Variants in BAG1 observed in about 807,000 individuals in gnomAD.
BAG1 encodes the protein BAG family molecular chaperone regulator 1.
BAG1 carries 35 observed loss-of-function variants against 35.5 expected under a neutral mutation model. That is an observed-to-expected ratio of 0.99 (90% CI 0.75 to 1.31). The LOEUF (loss-of-function observed/expected upper bound fraction) is 1.31, where lower values mean the gene tolerates loss of function less well. Ranked by LOEUF, BAG1 falls within the 50% of genes most tolerant of loss-of-function variation. The pLI is 0.00. For synonymous variants in BAG1, 191 were observed against 178.9 expected, an observed-to-expected ratio of 1.07 and a Z score of -0.54; for missense variants, 464 against 453.6, an observed-to-expected ratio of 1.02 and a Z score of -0.21.
chr9:33,254,137 CAAGCT>C lies in BAG1; in HGVS notation c.*1077_*1081del, dbSNP rs947139961. The stretch of plus-strand genomic sequence containing the variant: ...GGATTATAGGCACATGCCACTACGC[CAAGCT>C]AATTTTTTTTTTTTTTTTTTTTAAA... On this transcript the variant is annotated 3_prime_UTR_variant, in exon 7 of 7. Transcript: ENST00000634734. 1.4e-5 allele frequency: 2 copies of C among 142,770 alleles called. No homozygotes were observed. Among genetic ancestry groups the C allele is most frequent in the Admixed American group, 1.4e-4 (2 of 14,336 alleles). 8.8% of individuals were successfully genotyped at this position (142,770 alleles called of 1,614,324 possible).
chr9:33,255,341 T>A, intron 6 of BAG1, 33 bp from the exon 7 acceptor site: 1 of 1,613,800 alleles, frequency 6.2e-7, no homozygotes, highest in Non-Finnish European at 8.5e-7. Flanking sequence ...TAAGGGCCCA[T>A]CCAGGGGTAG....
At chr9:33,263,764 A>G (rs1189345096) in intron 1 of BAG1, among the ~76,000 whole-genome samples, 1 of 116,202 alleles carries the variant, frequency 8.6e-6, no homozygotes, top group East Asian at 2.8e-4. Flanking sequence ...AGGCAGACCC[A>G]AAGGGTGCCC....
chr9:33,256,808 T>A lies in BAG1; in HGVS notation c.878A>T (p.Asp293Val). Residue 293 changes from aspartate to valine, a missense_variant, in exon 5 of 7, where the codon GAC (aspartate) becomes GTC (valine). Asp to Val is a radical substitution (Grantham distance 152). Coordinates refer to ENST00000634734, the MANE Select transcript of BAG1 (RefSeq NM_004323.6). Reference sequence around the variant, plus strand: ...AGCTGAATATTTACTTACCAGTGTGTCAATCTCCTCCAAGATCTTCATAAA... The same window carrying A: ...AGCTGAATATTTACTTACCAGTGTGACAATCTCCTCCAAGATCTTCATAAA... 2 of 1,613,014 alleles carry A rather than the reference T, an allele frequency of 1.2e-6. No individual in the cohort carries two copies. Among genetic ancestry groups the A allele is most frequent in the Non-Finnish European group, 1.7e-6 (2 of 1,179,024 alleles).
chr9:33,254,957 A>T lies in BAG1; in HGVS notation c.*262T>A. 1 of 1,362,696 alleles carries T rather than the reference A, an allele frequency of 7.3e-7. No individual in the cohort carries two copies. The highest frequency in any genetic ancestry group is 1.4e-5 in the South Asian group (1 of 73,792). The allele number at this position is 1,362,696 out of a possible 1,614,324, so 84.4% of individuals were successfully genotyped here. A position where few individuals can be genotyped will look rare whatever the true frequency, so the allele number is the denominator to read the frequency against. On this transcript the variant is annotated 3_prime_UTR_variant, in exon 7 of 7. Transcript: ENST00000634734. ...ACCCAGAGGTCCAAACAGCTGGGAAAATTTGGGCAGAGGTGGCCCTCTCCA... is the reference window on the plus strand; with the variant it reads ...ACCCAGAGGTCCAAACAGCTGGGAATATTTGGGCAGAGGTGGCCCTCTCCA...
intron 2 of BAG1, 116 bp from the exon 3 acceptor site, chr9:33,261,285 T>C: frequency 1.5e-6 from 1 of 676,794 alleles, no homozygotes; most frequent in Non-Finnish European, 2.4e-6. Flanking sequence ...GGTATCTTTT[T>C]AGAGGGTGTC....
chr9:33,258,832 T>C, intron 4 of BAG1, 88 bp downstream of exon 4: 1 of 1,074,504 alleles, frequency 9.3e-7, no homozygotes, highest in South Asian at 1.4e-5. Context: ...CCAGGGAGTC[T>C]GACTGCAGAA....
chr9:33,262,515 G>A (rs1195484700), intron 2 of BAG1, among the ~76,000 whole-genome samples, 187 bp downstream of exon 2: 1 of 152,026 alleles, frequency 6.6e-6, no homozygotes, highest in Non-Finnish European at 1.5e-5. Flanking sequence ...AAATTAGCCG[G>A]GCATGGTGGT....
intron 5 of BAG1, among the ~76,000 whole-genome samples, 159 bp from the exon 6 acceptor site, chr9:33,256,086 T>G (rs1820447005): frequency 6.6e-6 from 1 of 152,218 alleles, no homozygotes; most frequent in East Asian, 1.9e-4. Flanking sequence ...TCAGGAACCC[T>G]TTCCCTGGGT....
At chr9:33,261,032 A>C in intron 3 of BAG1, 55 bp downstream of exon 3, 1 of 1,471,200 alleles carries the variant, frequency 6.8e-7, no homozygotes, top group Non-Finnish European at 9.4e-7. Flanking sequence ...AGAAACATGT[A>C]TAAAAGACTT....
At chr9:33,262,012 C>T in intron 2 of BAG1, 1 of 1,193,178 alleles carries the variant, frequency 8.4e-7, no homozygotes, top group South Asian at 1.5e-5. Flanking sequence ...TGTTAAGCAA[C>T]TAAGAAAATG....
Position 33,257,020 on chromosome 9 carries a change from G to C in BAG1, c.778-112C>G. On this transcript the variant is annotated intron_variant, in intron 4 of 6. Coordinates refer to ENST00000634734, the MANE Select transcript of BAG1 (RefSeq NM_004323.6). ...AGCCCACCATAGCCCTGGCAGGCCAGGCCACATCTCAGATCCACAACTTTA... is the reference window on the plus strand; with the variant it reads ...AGCCCACCATAGCCCTGGCAGGCCACGCCACATCTCAGATCCACAACTTTA... The C allele has an allele frequency of 7.9e-6, 6 of 757,028 alleles. No individual in the cohort carries two copies. In the South Asian group the frequency reaches 9.8e-5, roughly 12 times the overall value. 46.9% of individuals were successfully genotyped at this position (757,028 alleles called of 1,614,324 possible). A position where few individuals can be genotyped will look rare whatever the true frequency, so the allele number is the denominator to read the frequency against.
chr9:33,263,747 C>T (rs1206890619), intron 1 of BAG1, among the ~76,000 whole-genome samples: 1 of 149,138 alleles, frequency 6.7e-6, no homozygotes, highest in East Asian at 2.0e-4. Flanking sequence ...GTGTCAACTC[C>T]AACAGTAGGC....
At position 33,254,908 on chromosome 9, in the gene BAG1, A is replaced by G; in HGVS notation, c.*311T>C. 2.2e-6 allele frequency: 2 copies of G among 929,404 alleles called. No individual in the cohort carries two copies. The highest frequency in any genetic ancestry group is 3.0e-6 in the Non-Finnish European group (2 of 674,836). 57.6% of individuals were successfully genotyped at this position (929,404 alleles called of 1,614,324 possible). A position where few individuals can be genotyped will look rare whatever the true frequency, so the allele number is the denominator to read the frequency against. On this transcript the variant is annotated 3_prime_UTR_variant, in exon 7 of 7. Coordinates refer to ENST00000634734, the MANE Select transcript of BAG1 (RefSeq NM_004323.6). The stretch of plus-strand genomic sequence containing the variant: ...CTGAAACTGGCCCAAGGCAAATTAG[A>G]GCTCTCACCAGCCCAAAGAAAGCAC...
Position 33,256,792 on chromosome 9 carries a change from T to G in BAG1, c.885+9A>C. The G allele has an allele frequency of 6.2e-7, 1 of 1,604,444 alleles. No individual in the cohort carries two copies. The highest frequency in any genetic ancestry group is 8.5e-7 in the Non-Finnish European group (1 of 1,171,812). ...AAAACTAGTTCTTCTCAGCTGAATA[T>G]TTACTTACCAGTGTGTCAATCTCCT... On this transcript the variant is annotated intron_variant, in intron 5 of 6. Coordinates refer to ENST00000634734, the MANE Select transcript of BAG1 (RefSeq NM_004323.6).
chr9:33,255,154 G>T lies in BAG1; in HGVS notation c.*65C>A. On this transcript the variant is annotated 3_prime_UTR_variant, in exon 7 of 7. Transcript: ENST00000634734. ...GCCCTGAAGAAATCAGGTAAATTCC[G>T]CTCCAGAGACGGCAGAGCTGGTGGC... 6.2e-7 allele frequency: 1 copy of T among 1,613,980 alleles called. No homozygotes were observed. The highest frequency in any genetic ancestry group is 8.5e-7 in the Non-Finnish European group (1 of 1,179,904).
At chr9:33,259,080 G>T in intron 3 of BAG1, 47 bp from the exon 4 acceptor site, 1 of 1,523,556 alleles carries the variant, frequency 6.6e-7, no homozygotes. Context: ...AAAAGAACAG[G>T]CTGGGCATGG....
rs75265542 is a variant in BAG1, at chr9:33,261,304, G to C, written c.581-135C>G. On this transcript the variant is annotated intron_variant, in intron 2 of 6. Coordinates refer to ENST00000634734, the MANE Select transcript of BAG1 (RefSeq NM_004323.6). ...TCTTTTTAGAGGGTGTCATGACCCA[G>C]TAATTTCATTTCCAGATATTTATCC... 8.7e-4 allele frequency: 474 copies of C among 546,686 alleles called. 2 individuals carry two copies. In the East Asian group the frequency reaches 0.012, roughly 14 times the overall value. The allele number at this position is 546,686 out of a possible 1,614,324, so 33.9% of individuals were successfully genotyped here.
chr9:33,256,678 G>A, intron 5 of BAG1, 123 bp downstream of exon 5: 1 of 764,510 alleles, frequency 1.3e-6, no homozygotes, highest in Non-Finnish European at 2.2e-6. Context: ...CACAATAGTA[G>A]ATGCTTAATA....
intron 4 of BAG1, chr9:33,258,258 C>T (rs1820496829): frequency 7.6e-6 from 1 of 131,184 alleles, no homozygotes; most frequent in African/African-American, 2.8e-5. Flanking sequence ...GAGATTGCAC[C>T]ACTGCACTCC....
Sources: gnomAD v4.1 joint callset for allele counts (sites outside exome capture counted in the v4.1 genomes callset) on GRCh38, gnomAD v4.1.1 for gene constraint, MANE v1.5 for transcripts, NCBI Gene and HGNC (gene_info 2026-07-23, HGNC 2026-07-21) for gene names.